Variants in COG5 observed in about 807,000 individuals in gnomAD.
COG5 encodes component of oligomeric golgi complex 5.
Under a neutral mutation model 110.4 loss-of-function variants are expected in COG5, and 86 were observed. That is an observed-to-expected ratio of 0.78 (90% CI 0.65 to 0.93). COG5 has a LOEUF of 0.93. Ranked by LOEUF, COG5 falls within the 40% of genes least tolerant of loss-of-function variation. The probability of loss-of-function intolerance (pLI) is 0.00; values close to 1 mark genes in which losing one functional copy is unlikely to be tolerated. For synonymous variants in COG5, 360 were observed against 334.6 expected (o/e 1.08, Z -0.83); for missense variants, 1,077 against 987.0 (o/e 1.09, Z -1.22).
chr7:107,238,487 C>T (rs1801371297), intron 17 of COG5, among the ~76,000 whole-genome samples: 1 of 152,084 alleles, frequency 6.6e-6, no homozygotes, highest in Non-Finnish European at 1.5e-5. Context: ...TTTTGACATA[C>T]TGATTTCAAG....
At chr7:107,339,798 T>C (rs1379615442) in intron 10 of COG5, among the ~76,000 whole-genome samples, 1 of 151,552 alleles carries the variant, frequency 6.6e-6, no homozygotes, top group Non-Finnish European at 1.5e-5. Context: ...TTGTCAGAAA[T>C]AAAAAAATTC....
chr7:107,519,867 C>T (rs928014992), intron 6 of COG5, among the ~76,000 whole-genome samples: 46 of 152,136 alleles, frequency 3.0e-4, no homozygotes, highest in African/African-American at 1.1e-3. Flanking sequence ...GCGAATATCC[C>T]TGATGAACAT....
At chr7:107,422,087 C>G (rs976273493) in intron 6 of COG5, among the ~76,000 whole-genome samples, 1 of 151,838 alleles carries the variant, frequency 6.6e-6, no homozygotes, top group African/African-American at 2.4e-5. Flanking sequence ...AAAATTAGAA[C>G]TAATAAAGAA....
chr7:107,555,592 A>G (rs968820835), intron 2 of COG5, among the ~76,000 whole-genome samples: 5 of 152,214 alleles, frequency 3.3e-5, no homozygotes, highest in Admixed American at 3.3e-4. Flanking sequence ...CTAACTTTTT[A>G]AAAATTATCT....
chr7:107,266,872 A>C lies in COG5; in HGVS notation c.1576-8489T>G, dbSNP rs114723395. Among the ~76,000 whole-genome samples, 1,124 of 152,302 alleles carry C rather than the reference A, an allele frequency of 7.4e-3. 15 individuals carry two copies. The highest frequency in any genetic ancestry group is 0.024 in the African/African-American group (977 of 41,568). On this transcript the variant is annotated intron_variant, in intron 14 of 21. Coordinates refer to ENST00000297135, the MANE Select transcript of COG5 (RefSeq NM_006348.5). ...TCTTAGTTATCTCCTGGACTGTTAA[A>C]TTTATCAAATATTTGACAATTTTAA...
At chr7:107,388,126 G>T (rs944281478) in intron 7 of COG5, among the ~76,000 whole-genome samples, 4 of 152,094 alleles carry the variant, frequency 2.6e-5, no homozygotes, top group African/African-American at 9.7e-5. Context: ...CCAGAAACTG[G>T]CTAAACAAAT....
At chr7:107,405,992 A>G (rs188837744) in intron 7 of COG5, among the ~76,000 whole-genome samples, 1 of 152,340 alleles carries the variant, frequency 6.6e-6, no homozygotes, top group African/African-American at 2.4e-5. Flanking sequence ...TGTGAAAAAT[A>G]AATTTCTGTT....
At chr7:107,294,463 A>C (rs1176326292) in intron 12 of COG5, among the ~76,000 whole-genome samples, 1 of 152,122 alleles carries the variant, frequency 6.6e-6, no homozygotes, top group Admixed American at 6.5e-5. Flanking sequence ...GCCCCCCCTA[A>C]GTTGTCTACA....
chr7:107,204,162 C>G (rs1049526700), intron 21 of COG5, among the ~76,000 whole-genome samples: 1 of 152,152 alleles, frequency 6.6e-6, no homozygotes, highest in Non-Finnish European at 1.5e-5. Flanking sequence ...AATACATGAT[C>G]GGGAAGCAGT....
At chr7:107,314,650 G>T (rs1306726714) in intron 11 of COG5, among the ~76,000 whole-genome samples, 1 of 151,444 alleles carries the variant, frequency 6.6e-6, no homozygotes, top group Non-Finnish European at 1.5e-5. Context: ...TTGGGAGGCT[G>T]AGGCAGGAGA....
intron 7 of COG5, among the ~76,000 whole-genome samples, chr7:107,406,318 C>T (rs537987488): frequency 3.0e-4 from 46 of 152,270 alleles, no homozygotes; most frequent in Non-Finnish European, 5.1e-4. Context: ...ACACACATTA[C>T]TTTTATACTT....
intron 6 of COG5, among the ~76,000 whole-genome samples, chr7:107,445,441 A>G (rs1428630810): frequency 1.3e-5 from 2 of 152,240 alleles, no homozygotes; most frequent in East Asian, 3.8e-4. Flanking sequence ...AAACTTTTCT[A>G]TACTTATGAT....
chr7:107,414,081 G>A (rs1321697821), intron 6 of COG5, among the ~76,000 whole-genome samples: 2 of 152,024 alleles, frequency 1.3e-5, no homozygotes, highest in African/African-American at 4.8e-5. Flanking sequence ...ACATTGAAAG[G>A]GTAAAGATGT....
At chr7:107,351,841 G>C (rs1269604361) in intron 10 of COG5, among the ~76,000 whole-genome samples, 34 of 149,880 alleles carry the variant, frequency 2.3e-4, no homozygotes, top group African/African-American at 6.8e-4. Flanking sequence ...GGAGAAATAG[G>C]AACACTTTTA....
At chr7:107,553,023 T>C (rs1244193113) in intron 3 of COG5, among the ~76,000 whole-genome samples, 1 of 152,140 alleles carries the variant, frequency 6.6e-6, no homozygotes, top group African/African-American at 2.4e-5. Flanking sequence ...AAAAATCAAA[T>C]ACTGCACAGT....
chr7:107,209,888 T>C, intron 21 of COG5: 1 of 985,878 alleles, frequency 1.0e-6, no homozygotes. Context: ...GAATGTTTGG[T>C]GGCTGAGAGG....
chr7:107,318,427 G>A (rs1288302703), intron 11 of COG5, among the ~76,000 whole-genome samples: 1 of 152,158 alleles, frequency 6.6e-6, no homozygotes, highest in Non-Finnish European at 1.5e-5. Context: ...TAAAATGATA[G>A]CCACCCCAAG....
intron 12 of COG5, among the ~76,000 whole-genome samples, chr7:107,294,980 CATATATACACACATATACACATCT>C (rs1483191989): frequency 8.1e-4 from 102 of 126,684 alleles, no homozygotes; most frequent in African/African-American, 2.8e-3. Context: ...TATATATACA[CATATATACACACATATACACATCT>C]ATATATACAC....
At chr7:107,257,225 A>G (rs1478668178) in intron 15 of COG5, among the ~76,000 whole-genome samples, 1 of 152,154 alleles carries the variant, frequency 6.6e-6, no homozygotes, top group Non-Finnish European at 1.5e-5. Context: ...AATTTTGAAA[A>G]TATCAATAAA....
Sources: gnomAD v4.1 joint callset for allele counts (sites outside exome capture counted in the v4.1 genomes callset) on GRCh38, gnomAD v4.1.1 for gene constraint, MANE v1.5 for transcripts, NCBI Gene and HGNC (gene_info 2026-07-23, HGNC 2026-07-21) for gene names.